DNAH8: variants seen among roughly 807,000 people sequenced by gnomAD.
The protein encoded by DNAH8 is axonemal beta dynein heavy chain 8.
In DNAH8, 382 loss-of-function variants were observed where a neutral mutation model predicts 562.1. The ratio of observed to expected loss-of-function variants is 0.68; its 90% confidence interval spans 0.63 to 0.74. DNAH8 has a LOEUF of 0.74. DNAH8 is among the 30% of genes least tolerant of loss of function. The probability of loss-of-function intolerance (pLI) is 0.00; values close to 1 mark genes in which losing one functional copy is unlikely to be tolerated. For missense variants in DNAH8, 5,203 were observed against 5,620.4 expected (o/e 0.93, Z 2.37); for synonymous variants, 1,881 against 1,919.4 (o/e 0.98, Z 0.52).
chr6:38,967,753 A>G (rs553851168), intron 82 of DNAH8, among the ~76,000 whole-genome samples: 1 of 152,278 alleles, frequency 6.6e-6, no homozygotes, highest in Non-Finnish European at 1.5e-5. Context: ...AGCCTTTTTT[A>G]AAAATAGAAA....
rs752865032 is a variant in DNAH8 at position 38,926,213 on chromosome 6, ATGT to A, written c.11118+4_11118+6del. 1.2e-6 allele frequency: 2 copies of A among 1,612,810 alleles called. No homozygotes were observed. The highest frequency in any genetic ancestry group is 1.7e-6 in the Non-Finnish European group (2 of 1,179,382). ...AGGAAAAAGAAAATGATTTACAGGTATGTAGCATTTGGTGCAGGGGAAAGTAAT... is the reference window on the plus strand; with the variant it reads ...AGGAAAAAGAAAATGATTTACAGGTAAGCATTTGGTGCAGGGGAAAGTAAT... On this transcript the variant is annotated splice_donor_5th_base_variant and intron_variant, in intron 74 of 92. Transcript: ENST00000327475.
chr6:38,802,930 A>G (rs753965766), intron 21 of DNAH8, among the ~76,000 whole-genome samples: 1 of 152,174 alleles, frequency 6.6e-6, no homozygotes, highest in African/African-American at 2.4e-5. Flanking sequence ...GTAGATTTCT[A>G]TGTGTGATTG....
rs1554124109 is a variant in DNAH8 at position 38,874,038 on chromosome 6, T to TC, written c.7620+662_7620+663insC. The stretch of plus-strand genomic sequence containing the variant: ...CCTCTTTCTTTCCCTTTTTCTTTTC[T>TC]TTTCTTTCTTTCTTTCTTTCTTTCT... On this transcript the variant is annotated intron_variant, in intron 52 of 92. Transcript: ENST00000327475. 2.8e-4 allele frequency among the ~76,000 whole-genome samples: 6 copies of TC among 21,076 alleles called. No individual in the cohort carries two copies. In the East Asian group the frequency reaches 0.022, roughly 77 times the overall value. The allele number at this position is 21,076 out of a possible 152,430, so 13.8% of individuals were successfully genotyped here. A position where few individuals can be genotyped will look rare whatever the true frequency, so the allele number is the denominator to read the frequency against.
At chr6:38,963,343 C>A (rs1583465012) in intron 82 of DNAH8, among the ~76,000 whole-genome samples, 2 of 84,324 alleles carry the variant, frequency 2.4e-5, no homozygotes, top group South Asian at 5.3e-4. Context: ...CATTTAAATA[C>A]ATTTTCTTTG....
Position 38,913,983 on chromosome 6 carries a change from G to A in DNAH8, c.9963+31G>A, listed in dbSNP as rs866815331. 5.3e-6 allele frequency: 8 copies of A among 1,519,750 alleles called. No individual in the cohort carries two copies. In the African/African-American group the frequency reaches 5.5e-5, roughly 10 times the overall value. The allele number at this position is 1,519,750 out of a possible 1,614,324, so 94.1% of individuals were successfully genotyped here. A position where few individuals can be genotyped will look rare whatever the true frequency, so the allele number is the denominator to read the frequency against. On this transcript the variant is annotated intron_variant, in intron 67 of 92. Coordinates refer to ENST00000327475, the MANE Select transcript of DNAH8 (RefSeq NM_001206927.2). The stretch of plus-strand genomic sequence containing the variant: ...TTTGCATTTATTTTATCACTGATGA[G>A]GAATATTTTTCCATATTAAAATGCA...
intron 11 of DNAH8, among the ~76,000 whole-genome samples, chr6:38,766,483 T>TA (rs1767012643): frequency 6.6e-6 from 1 of 152,106 alleles, no homozygotes; most frequent in African/African-American, 2.4e-5. Flanking sequence ...TAGTACACAA[T>TA]ACTGTTTTGT....
At chr6:38,926,344 A>G in intron 74 of DNAH8, 134 bp downstream of exon 74, 1 of 954,286 alleles carries the variant, frequency 1.0e-6, no homozygotes, top group Non-Finnish European at 1.5e-6. Flanking sequence ...GAGTTTTGTA[A>G]CAGCAATTTG....
chr6:38,984,280 C>T lies in DNAH8; in HGVS notation c.13026C>T (p.Asp4342=), dbSNP rs1200799281. 6.2e-7 allele frequency: 1 copy of T among 1,607,574 alleles called. No homozygotes were observed. The change falls in exon 87 of 93, where the codon GAC becomes GAT. Residue 4342 remains aspartate, a synonymous_variant. Coordinates refer to ENST00000327475, the MANE Select transcript of DNAH8 (RefSeq NM_001206927.2). The part of the protein sequence containing the change: ...QYGGRVTDDF[D]KRLLNCFARV... ...GAGGCAGAGTGACAGATGACTTTGA[C>T]AAACGTCTACTTAATTGCTTTGCCA...
rs1338239531 is a variant in DNAH8 at position 38,898,382 on chromosome 6, T to G, written c.9063+2T>G. Reference sequence around the variant, plus strand: ...GATGCAATGACTCATCTTATTAAGGTCCTAACTATTGCCTATTTACTGATA... The same window carrying G: ...GATGCAATGACTCATCTTATTAAGGGCCTAACTATTGCCTATTTACTGATA... On this transcript the variant is annotated splice_donor_variant, in intron 61 of 92. Transcript: ENST00000327475. LOFTEE classifies it high-confidence loss of function. The G allele has an allele frequency of 1.3e-6, 2 of 1,557,076 alleles. No individual in the cohort carries two copies. Among genetic ancestry groups the G allele is most frequent in the Non-Finnish European group, 1.7e-6 (2 of 1,160,976 alleles).
chr6:38,873,487 G>A (rs1777631887), intron 52 of DNAH8, 111 bp downstream of exon 52: 1 of 914,850 alleles, frequency 1.1e-6, no homozygotes, highest in Admixed American at 3.2e-5. Context: ...AAAATCATTT[G>A]ATGATGTGGC....
intron 88 of DNAH8, among the ~76,000 whole-genome samples, chr6:38,994,649 CTT>C (rs5875650): frequency 0.17 from 20,251 of 119,932 alleles, 1,469 homozygotes; most frequent in Middle Eastern, 0.24. Context: ...CTTTTTTTTT[CTT>C]TTTTTTTTTT....
intron 21 of DNAH8, among the ~76,000 whole-genome samples, chr6:38,795,957 C>T (rs1738240): frequency 0.65 from 98,335 of 152,022 alleles, 32,181 homozygotes; most frequent in East Asian, 0.85. Flanking sequence ...ACAGATTATG[C>T]GAATTATTAA....
intron 91 of DNAH8, among the ~76,000 whole-genome samples, chr6:39,022,983 T>A (rs1456286057): frequency 6.6e-6 from 1 of 152,232 alleles, no homozygotes. Context: ...GAATTTTTTT[T>A]AAAGCATCTG....
intron 1 of DNAH8, among the ~76,000 whole-genome samples, chr6:38,715,927 T>TAAATAAATAAATAAATATATAA (rs1295765006): frequency 3.2e-5 from 1 of 31,630 alleles, no homozygotes; most frequent in African/African-American, 1.6e-4. Context: ...AATAAATAAA[T>TAAATAAATAAATAAATATATAA]ATATATATAT....
chr6:38,736,937 C>A lies in DNAH8; in HGVS notation c.763-130C>A, dbSNP rs142241298. ...TTTAGAACTCTAAGGTTCATAACCACTTAAGATTCCCTAATAGTTTATAAA... is the reference window on the plus strand; with the variant it reads ...TTTAGAACTCTAAGGTTCATAACCAATTAAGATTCCCTAATAGTTTATAAA... On this transcript the variant is annotated intron_variant, in intron 5 of 92. Coordinates refer to ENST00000327475, the MANE Select transcript of DNAH8 (RefSeq NM_001206927.2). The A allele has an allele frequency of 4.9e-5, 29 of 590,516 alleles. No homozygotes were observed. In the East Asian group the frequency reaches 9.5e-4, roughly 19 times the overall value. 36.6% of individuals were successfully genotyped at this position (590,516 alleles called of 1,614,324 possible). A position where few individuals can be genotyped will look rare whatever the true frequency, so the allele number is the denominator to read the frequency against.
At chr6:38,897,727 GC>G (rs1350639001) in intron 60 of DNAH8, among the ~76,000 whole-genome samples, 1 of 152,082 alleles carries the variant, frequency 6.6e-6, no homozygotes, top group Non-Finnish European at 1.5e-5. Context: ...GCTGCAGTGA[GC>G]TATGATTGGA....
At chr6:38,831,054 G>A (rs188670001) in intron 30 of DNAH8, among the ~76,000 whole-genome samples, 38 of 152,250 alleles carry the variant, frequency 2.5e-4, no homozygotes, top group African/African-American at 8.7e-4. Flanking sequence ...GTTAGTCAGA[G>A]GAGCGAGTCT....
chr6:38,865,630 T>C (rs779926012), intron 45 of DNAH8, among the ~76,000 whole-genome samples: 2 of 152,174 alleles, frequency 1.3e-5, no homozygotes, highest in Non-Finnish European at 2.9e-5. Flanking sequence ...TCAACTCTCT[T>C]CAAAAAAACA....
intron 26 of DNAH8, among the ~76,000 whole-genome samples, chr6:38,819,109 A>G (rs1183386759): frequency 1.3e-5 from 2 of 152,214 alleles, no homozygotes; most frequent in African/African-American, 4.8e-5. Flanking sequence ...GTAAACTTGT[A>G]GAAAAGATGA....
Sources: allele counts gnomAD v4.1 joint callset (sites outside exome capture counted in the v4.1 genomes callset), GRCh38; gene constraint gnomAD v4.1.1; transcripts MANE v1.5; gene names NCBI Gene and HGNC (gene_info 2026-07-23, HGNC 2026-07-21).